STXBP4: variants seen among roughly 807,000 people sequenced by gnomAD.
STXBP4 encodes the protein syntaxin binding protein 4.
Under a neutral mutation model 76.1 loss-of-function variants are expected in STXBP4, and 55 were observed. The ratio of observed to expected loss-of-function variants is 0.72; its 90% CI spans 0.58 to 0.91. The LOEUF is 0.91. Ranked by LOEUF, STXBP4 falls within the 40% of genes least tolerant of loss-of-function variation. The pLI, the probability that STXBP4 is intolerant of heterozygous loss-of-function variation, is 0.00. For synonymous variants in STXBP4, 201 were observed against 220.2 expected (o/e 0.91, Z 0.77); for missense variants, 618 against 636.9 (o/e 0.97, Z 0.32).
the STXBP4 span, among the ~76,000 whole-genome samples, chr17:55,190,631 CAAAG>C: frequency 3.1e-4 from 47 of 152,136 alleles, no homozygotes; most frequent in African/African-American, 1.1e-3. Flanking sequence ...GTTTTGAAAA[CAAAG>C]GAAGGAATGG....
downstream of STXBP4, among the ~76,000 whole-genome samples, chr17:55,176,678 T>G (rs533867942): frequency 6.6e-6 from 1 of 152,252 alleles, no homozygotes; most frequent in Non-Finnish European, 1.5e-5. Flanking sequence ...AAAACATTAT[T>G]TCTAGGTGTG....
intron 17 of STXBP4, among the ~76,000 whole-genome samples, chr17:55,149,396 G>A (rs146914328): frequency 5.3e-5 from 8 of 152,320 alleles, no homozygotes; most frequent in Non-Finnish European, 1.0e-4. Context: ...CCACTTTTAA[G>A]TGTGACCTTG....
Position 55,031,194 on chromosome 17 carries a change from C to A in STXBP4, c.693C>A (p.Pro231=), listed in dbSNP as rs775409452. The A allele has an allele frequency of 6.2e-7, 1 of 1,613,050 alleles. No individual in the cohort carries two copies. Among genetic ancestry groups the A allele is most frequent in the Non-Finnish European group, 8.5e-7 (1 of 1,179,338 alleles). ...CTCTAAATTATCTTGGTATTCAGCC[C>A]ACAAAGGAACAACACCAAGCCCTGA... The part of the protein sequence containing the change: ...EMALNYLGIQ[P]TKEQHQALRQ... The change falls in exon 9 of 18, where the codon CCC becomes CCA. Residue 231 remains proline, a synonymous_variant. Transcript: ENST00000376352.
the STXBP4 span, among the ~76,000 whole-genome samples, chr17:55,187,101 C>T: frequency 1.3e-5 from 2 of 152,190 alleles, no homozygotes; most frequent in Non-Finnish European, 2.9e-5. Flanking sequence ...CAGGCGTCTG[C>T]TGAGGTTTCT....
chr17:55,201,144 A>T, the STXBP4 span, among the ~76,000 whole-genome samples: 3 of 152,204 alleles, frequency 2.0e-5, no homozygotes, highest in African/African-American at 7.2e-5. Context: ...TGCAGCCCAG[A>T]TGTTTCCATG....
the STXBP4 span, among the ~76,000 whole-genome samples, chr17:55,201,830 G>A: frequency 1.3e-5 from 2 of 152,234 alleles, no homozygotes; most frequent in South Asian, 4.1e-4. Flanking sequence ...GCAAGGCTGA[G>A]CATGCATGAA....
Position 55,166,586 on chromosome 17 carries a change from A to G in STXBP4, c.*6675A>G, listed in dbSNP as rs2080378435. On this transcript the variant is annotated 3_prime_UTR_variant, in exon 18 of 18. Transcript: ENST00000376352. Reference sequence around the variant, plus strand: ...TCCTGCATCAGATTTCTTCTCATACATCAAGATTCTGCTCTCATTTTACCT... The same window carrying G: ...TCCTGCATCAGATTTCTTCTCATACGTCAAGATTCTGCTCTCATTTTACCT... 6.6e-6 allele frequency: 1 copy of G among 152,322 alleles called. No individual in the cohort carries two copies. The highest frequency in any genetic ancestry group is 1.9e-4 in the East Asian group (1 of 5,186). The allele number at this position is 152,322 out of a possible 1,614,324, so 9.4% of individuals were successfully genotyped here.
At position 54,999,120 on chromosome 17, in the gene STXBP4, G is replaced by A. The variant is rs190184454; in HGVS notation, c.181-225G>A. 5.3e-5 allele frequency among the ~76,000 whole-genome samples: 8 copies of A among 152,022 alleles called. No homozygotes were observed. The East Asian group carries it at 5.8e-4, about 11-fold the overall frequency. Reference sequence around the variant, plus strand: ...TACCATATTAAGAATTCTTTACCACGTAAATTTATTCATGCAATACATGAA... The same window carrying A: ...TACCATATTAAGAATTCTTTACCACATAAATTTATTCATGCAATACATGAA... On this transcript the variant is annotated intron_variant, in intron 4 of 17. Transcript: ENST00000376352.
At chr17:55,212,248 T>C in the STXBP4 span, among the ~76,000 whole-genome samples, 1 of 152,360 alleles carries the variant, frequency 6.6e-6, no homozygotes, top group African/African-American at 2.4e-5. Flanking sequence ...AGCTTCAGTT[T>C]TCTTCCCTGG....
At chr17:55,174,917 G>A (rs73992658), downstream of STXBP4, among the ~76,000 whole-genome samples, 7,077 of 152,052 alleles carry the variant, frequency 0.047, 287 homozygotes, top group East Asian at 0.15. Flanking sequence ...ACAGCTACTC[G>A]GGAGGCTGAG....
At chr17:55,190,200 G>C in the STXBP4 span, among the ~76,000 whole-genome samples, 1 of 152,074 alleles carries the variant, frequency 6.6e-6, no homozygotes, top group Non-Finnish European at 1.5e-5. Context: ...TAATGTGACA[G>C]GTATTGTCCT....
chr17:55,089,014 A>G (rs908345422), intron 16 of STXBP4, among the ~76,000 whole-genome samples: 2 of 152,234 alleles, frequency 1.3e-5, no homozygotes, highest in African/African-American at 4.8e-5. Context: ...GAGATGCTCC[A>G]CAGAGCACCC....
At chr17:54,979,123 T>C (rs1282977299) in intron 1 of STXBP4, among the ~76,000 whole-genome samples, 1 of 152,236 alleles carries the variant, frequency 6.6e-6, no homozygotes, top group African/African-American at 2.4e-5. Flanking sequence ...ATCCTGCCTT[T>C]GGTAGACAAA....
At chr17:55,032,989 A>T (rs2078535639) in intron 9 of STXBP4, among the ~76,000 whole-genome samples, 1 of 152,312 alleles carries the variant, frequency 6.6e-6, no homozygotes, top group South Asian at 2.1e-4. Flanking sequence ...ATTTGGAGAA[A>T]TCCTCCAACA....
chr17:55,003,300 T>C (rs183930701), intron 7 of STXBP4, among the ~76,000 whole-genome samples: 1 of 152,306 alleles, frequency 6.6e-6, no homozygotes, highest in East Asian at 1.9e-4. Context: ...GTAGATTTTG[T>C]AATAGAAAAA....
chr17:55,160,724 A>T lies in STXBP4; in HGVS notation c.*813A>T, dbSNP rs2080329520. The T allele has an allele frequency of 1.3e-5, 2 of 152,374 alleles. No individual in the cohort carries two copies. The highest frequency in any genetic ancestry group is 1.3e-4 in the Admixed American group (2 of 15,274). 9.4% of individuals were successfully genotyped at this position (152,374 alleles called of 1,614,324 possible). A position where few individuals can be genotyped will look rare whatever the true frequency, so the allele number is the denominator to read the frequency against. On this transcript the variant is annotated 3_prime_UTR_variant, in exon 18 of 18. Transcript: ENST00000376352. ...CTCCACAGCTGTGCATTCCACAGAG[A>T]TTCAGAAGGCACCTCTTCGGTCAAA...
rs1178025398 is a variant in STXBP4, at chr17:55,137,019, AC to A, written c.1490-4286del. Among the ~76,000 whole-genome samples, 4 of 152,032 alleles carry A rather than the reference AC, an allele frequency of 2.6e-5. No individual in the cohort carries two copies. The East Asian group carries it at 7.7e-4, about 29-fold the overall frequency. On this transcript the variant is annotated intron_variant, in intron 16 of 17. Coordinates refer to ENST00000376352, the MANE Select transcript of STXBP4 (RefSeq NM_178509.6). ...GTTATCTAATAAGGGTATCATGCTA[AC>A]CCCCTAAGCTAGAATGGTAGCTGTT...
chr17:55,031,059 C>T lies in STXBP4; in HGVS notation c.667-109C>T, dbSNP rs2078499883. 41 of 762,526 alleles carry T rather than the reference C, an allele frequency of 5.4e-5. No individual in the cohort carries two copies. The East Asian group carries it at 1.1e-3, about 20-fold the overall frequency. 47.2% of individuals were successfully genotyped at this position (762,526 alleles called of 1,614,324 possible). On this transcript the variant is annotated intron_variant, in intron 8 of 17. Transcript: ENST00000376352. ...CTTCCCTTGGGTGTTTAATCCTGGTCGACTGTTTCTGGTATTGATTATTTT... is the reference window on the plus strand; with the variant it reads ...CTTCCCTTGGGTGTTTAATCCTGGTTGACTGTTTCTGGTATTGATTATTTT...
chr17:55,154,902 A>AT (rs1405610230), intron 17 of STXBP4, among the ~76,000 whole-genome samples: 2 of 152,026 alleles, frequency 1.3e-5, no homozygotes, highest in Non-Finnish European at 2.9e-5. Flanking sequence ...AAGATAAATG[A>AT]TTTTTAACAG....
Sources: gnomAD v4.1 joint callset for allele counts (sites outside exome capture counted in the v4.1 genomes callset) on GRCh38, gnomAD v4.1.1 for gene constraint, MANE v1.5 for transcripts, NCBI Gene and HGNC (gene_info 2026-07-23, HGNC 2026-07-21) for gene names.